The following C1QTNF7 variants were observed in gnomAD, a reference collection of about 807,000 sequenced individuals.
C1QTNF7 encodes the protein complement C1q tumor necrosis factor-related protein 7.
A neutral mutation model predicts 19.6 loss-of-function variants in C1QTNF7; 15 were observed. The ratio of observed to expected loss-of-function variants is 0.76; its 90% CI spans 0.51 to 1.18. The LOEUF is 1.18. Ranked by LOEUF, C1QTNF7 falls within the 50% of genes most tolerant of loss-of-function variation. The pLI, the probability that C1QTNF7 is intolerant of heterozygous loss-of-function variation, is 0.00. For missense variants in C1QTNF7, 324 were observed against 359.7 expected, an observed-to-expected ratio of 0.90 and a Z score of 0.80; for synonymous variants, 142 against 137.5, an observed-to-expected ratio of 1.03 and a Z score of -0.23.
intron 1 of C1QTNF7, among the ~76,000 whole-genome samples, chr4:15,367,889 A>C (rs1717581510): frequency 6.6e-6 from 1 of 152,172 alleles, no homozygotes; most frequent in Non-Finnish European, 1.5e-5. Flanking sequence ...ATTGAGGTAT[A>C]ATTTACATAC....
At chr4:15,393,980 AG>A (rs1376562483) in intron 1 of C1QTNF7, among the ~76,000 whole-genome samples, 1 of 152,090 alleles carries the variant, frequency 6.6e-6, no homozygotes, top group Non-Finnish European at 1.5e-5. Context: ...GTAAGGGCAG[AG>A]GGGGTGTGTA....
rs560436458 is a variant in C1QTNF7 at position 15,340,019 on chromosome 4, C to A, written c.-176C>A. ...CAGCATGAGCTCCAAGCTTCAAACG[C>A]ATTCTCATGCTCAGACGAGCACTTT... On this transcript the variant is annotated 5_prime_UTR_variant, in exon 1 of 3. Transcript: ENST00000295297. 14 of 777,650 alleles carry A rather than the reference C, an allele frequency of 1.8e-5. No individual in the cohort carries two copies. The African/African-American group carries it at 2.1e-4, about 12-fold the overall frequency. The allele number at this position is 777,650 out of a possible 1,614,324, so 48.2% of individuals were successfully genotyped here.
intron 1 of C1QTNF7, among the ~76,000 whole-genome samples, chr4:15,344,979 G>C (rs1039953674): frequency 6.6e-6 from 1 of 152,220 alleles, no homozygotes; most frequent in Non-Finnish European, 1.5e-5. Context: ...ATCTTCTGCA[G>C]TTCCCAAATA....
At chr4:15,384,784 A>G (rs1408470432) in intron 1 of C1QTNF7, among the ~76,000 whole-genome samples, 1 of 152,158 alleles carries the variant, frequency 6.6e-6, no homozygotes, top group East Asian at 1.9e-4. Context: ...TCCTTTAATT[A>G]TTTGAAATCA....
intron 1 of C1QTNF7, among the ~76,000 whole-genome samples, chr4:15,377,316 C>A (rs1331056744): frequency 6.6e-6 from 1 of 152,080 alleles, no homozygotes; most frequent in Non-Finnish European, 1.5e-5. Context: ...CTTGTTGATA[C>A]CCCCGTGCTT....
Position 15,340,017 on chromosome 4 carries a change from C to T in C1QTNF7, c.-178C>T, listed in dbSNP as rs578184400. ...AACAGCATGAGCTCCAAGCTTCAAA[C>T]GCATTCTCATGCTCAGACGAGCACT... On this transcript the variant is annotated 5_prime_UTR_variant, in exon 1 of 3. Coordinates refer to the C1QTNF7 transcript ENST00000295297. 1.2e-4 allele frequency: 92 copies of T among 769,422 alleles called. 2 individuals are homozygous for T. The South Asian group carries it at 1.3e-3, about 11-fold the overall frequency. The allele number at this position is 769,422 out of a possible 1,614,324, so 47.7% of individuals were successfully genotyped here.
chr4:15,397,135 T>C (rs1056717025), intron 1 of C1QTNF7, among the ~76,000 whole-genome samples: 2 of 152,126 alleles, frequency 1.3e-5, no homozygotes, highest in African/African-American at 4.8e-5. Flanking sequence ...GAGAACGATA[T>C]GAGGGAAACC....
chr4:15,402,283 GC>G (rs1344117986), intron 1 of C1QTNF7, among the ~76,000 whole-genome samples: 2 of 152,196 alleles, frequency 1.3e-5, no homozygotes, highest in African/African-American at 2.4e-5. Flanking sequence ...GCCAAGCTAT[GC>G]TATAACTATA....
intron 1 of C1QTNF7, among the ~76,000 whole-genome samples, chr4:15,407,791 G>C (rs1003235682): frequency 2.0e-5 from 3 of 152,132 alleles, no homozygotes; most frequent in African/African-American, 7.2e-5. Context: ...GCCGGGTGTG[G>C]TGGTGGGTAC....
intron 1 of C1QTNF7, among the ~76,000 whole-genome samples, chr4:15,375,628 T>G (rs2108886777): frequency 6.6e-6 from 1 of 152,316 alleles, no homozygotes; most frequent in East Asian, 1.9e-4. Context: ...GGAACTTGAA[T>G]GTCCATTTTG....
At position 15,438,771 on chromosome 4, in the gene C1QTNF7, A is replaced by T. The variant is rs530891813; in HGVS notation, c.238+2790A>T. Among the ~76,000 whole-genome samples, 4 of 152,318 alleles carry T rather than the reference A, an allele frequency of 2.6e-5. No homozygotes were observed. In the East Asian group the frequency reaches 7.7e-4, roughly 29 times the overall value. ...ACTTAACTTTGGCCCATATTTGCAG[A>T]TCCAAGGTCATAAGTAATGACAGCT... On this transcript the variant is annotated intron_variant, in intron 2 of 2. Coordinates refer to ENST00000444304, the MANE Select transcript of C1QTNF7 (RefSeq NM_031911.5).
chr4:15,392,223 GAGACTCCATTTCTTGCCAGA>G (rs1718584911), intron 1 of C1QTNF7, among the ~76,000 whole-genome samples: 2 of 152,168 alleles, frequency 1.3e-5, no homozygotes, highest in Admixed American at 1.3e-4. Context: ...ATCGAGAAAA[GAGACTCCATTTCTTGCCAGA>G]AGACTGGGCT....
intron 1 of C1QTNF7, among the ~76,000 whole-genome samples, chr4:15,360,636 C>A (rs1717308020): frequency 6.6e-6 from 1 of 152,088 alleles, no homozygotes; most frequent in Non-Finnish European, 1.5e-5. Context: ...CAAGAAACAG[C>A]ACTAAATATA....
At chr4:15,380,906 G>A (rs888364800) in intron 1 of C1QTNF7, among the ~76,000 whole-genome samples, 2 of 151,880 alleles carry the variant, frequency 1.3e-5, no homozygotes, top group Admixed American at 1.3e-4. Context: ...CTACACTCCA[G>A]CCTGGGCAAC....
chr4:15,420,139 C>G (rs1236298990), intron 1 of C1QTNF7: 1 of 152,418 alleles, frequency 6.6e-6, no homozygotes, highest in Admixed American at 6.5e-5. Flanking sequence ...GCTCCACCCC[C>G]CATCCTTCTT....
intron 1 of C1QTNF7, among the ~76,000 whole-genome samples, chr4:15,389,895 T>C (rs1718492522): frequency 6.6e-6 from 1 of 152,200 alleles, no homozygotes; most frequent in East Asian, 1.9e-4. Context: ...GGGCAGGTTA[T>C]GGAGAACTGT....
intron 2 of C1QTNF7, among the ~76,000 whole-genome samples, chr4:15,440,639 C>T (rs1712719502): frequency 6.6e-6 from 1 of 152,050 alleles, no homozygotes; most frequent in Non-Finnish European, 1.5e-5. Context: ...ATCTGCGGAC[C>T]TCGTTATCTG....
chr4:15,436,011 C>CT (rs760493475), intron 2 of C1QTNF7, 30 bp downstream of exon 2: 1 of 1,595,348 alleles, frequency 6.3e-7, no homozygotes, highest in Non-Finnish European at 8.5e-7. Context: ...ATAAAACACC[C>CT]TCCTTCACCC....
chr4:15,364,608 G>T (rs531690966), intron 1 of C1QTNF7, among the ~76,000 whole-genome samples: 13 of 152,254 alleles, frequency 8.5e-5, no homozygotes, highest in Non-Finnish European at 1.6e-4. Context: ...TAGTTAAAAT[G>T]AACAGACAAT....
Sources: gnomAD v4.1 joint callset for allele counts (sites outside exome capture counted in the v4.1 genomes callset) on GRCh38, gnomAD v4.1.1 for gene constraint, MANE v1.5 for transcripts, NCBI Gene and HGNC (gene_info 2026-07-23, HGNC 2026-07-21) for gene names.